The following EIF4G3 variants were observed in gnomAD, a reference collection of about 807,000 sequenced individuals.
The protein encoded by EIF4G3 is eukaryotic translation initiation factor 4 gamma 3, also known as eIF-4-gamma 3.
EIF4G3 carries 34 observed loss-of-function variants against 186.4 expected under a neutral mutation model. The observed-to-expected ratio is 0.18, with a 90% CI of 0.14 to 0.24. The LOEUF (loss-of-function observed/expected upper bound fraction) is 0.24, where lower values mean the gene tolerates loss of function less well. EIF4G3 is among the 10% of genes least tolerant of loss of function. EIF4G3 has a pLI of 1.00. For missense variants in EIF4G3, 1,536 were observed against 1,948.5 expected (o/e 0.79, Z 3.99); for synonymous variants, 673 against 679.5 (o/e 0.99, Z 0.15).
intron 18 of EIF4G3, chr1:20,892,696 T>C (rs2086505833): frequency 3.3e-6 from 5 of 1,536,094 alleles, no homozygotes; most frequent in Non-Finnish European, 3.5e-6. Flanking sequence ...TGTTCCAGAA[T>C]TGGCAATCCA....
rs565327761 is a variant in EIF4G3, at chr1:21,044,719, C to T, written c.-67+6147G>A. Reference sequence around the variant, plus strand: ...CTGGAGTGTAATGGTGTGATCCCAGCTCACTGCAGCCTTAACATCCCAGTC... The same window carrying T: ...CTGGAGTGTAATGGTGTGATCCCAGTTCACTGCAGCCTTAACATCCCAGTC... On this transcript the variant is annotated intron_variant, in intron 4 of 36. Transcript: ENST00000602326. Among the ~76,000 whole-genome samples, 20 of 151,230 alleles carry T rather than the reference C, an allele frequency of 1.3e-4. No individual in the cohort carries two copies. The South Asian group carries it at 2.1e-3, about 16-fold the overall frequency.
chr1:20,986,698 A>C (rs2079560080), intron 7 of EIF4G3, among the ~76,000 whole-genome samples: 1 of 142,422 alleles, frequency 7.0e-6, no homozygotes. Context: ...GCAGTGAGCC[A>C]AGATCATGCC....
At chr1:20,919,343 G>T (rs1032123938) in intron 14 of EIF4G3, among the ~76,000 whole-genome samples, 14 of 152,092 alleles carry the variant, frequency 9.2e-5, no homozygotes, top group African/African-American at 2.7e-4. Context: ...CGTATAGCTG[G>T]AAGTACAGGT....
Position 20,810,159 on chromosome 1 carries a change from A to T in EIF4G3, c.4744+579T>A, listed in dbSNP as rs1407585873. Among the ~76,000 whole-genome samples the T allele has an allele frequency of 3.0e-5, 4 of 134,362 alleles. No individual in the cohort carries two copies. Among genetic ancestry groups the T allele is most frequent in the East Asian group, 2.2e-4 (1 of 4,630 alleles). 88.1% of individuals were successfully genotyped at this position (134,362 alleles called of 152,430 possible). ...ACCTAGCCAATTTTTGTATTTTTGTATTTTTTTTTTTTTTGAGATAGAGTC... is the reference window on the plus strand; with the variant it reads ...ACCTAGCCAATTTTTGTATTTTTGTTTTTTTTTTTTTTTTGAGATAGAGTC... On this transcript the variant is annotated intron_variant, in intron 36 of 36. Coordinates refer to ENST00000602326, the MANE Select transcript of EIF4G3 (RefSeq NM_001391906.1). The surrounding 1 kb of genome is among the most constrained non-coding windows in gnomAD (Gnocchi z 4.1).
chr1:20,820,605 G>A (rs1323259093), intron 33 of EIF4G3, among the ~76,000 whole-genome samples: 1 of 152,140 alleles, frequency 6.6e-6, no homozygotes, highest in Non-Finnish European at 1.5e-5. Context: ...AGTGGAGTAG[G>A]GGCTCATGGT....
chr1:20,948,965 T>G (rs1297158723), intron 13 of EIF4G3, among the ~76,000 whole-genome samples: 1 of 135,876 alleles, frequency 7.4e-6, no homozygotes, highest in Non-Finnish European at 1.5e-5. Context: ...GTCAAGACTC[T>G]GTCTCAAAAA....
intron 3 of EIF4G3, among the ~76,000 whole-genome samples, chr1:21,054,795 A>ATATTGGGATGTTTATATTG (rs748904164): frequency 1.4e-3 from 209 of 152,344 alleles, no homozygotes; most frequent in Non-Finnish European, 2.5e-3. Context: ...AAACATCTTC[A>ATATTGGGATGTTTATATTG]GGATCAGCTA....
intron 4 of EIF4G3, among the ~76,000 whole-genome samples, chr1:21,014,118 G>A (rs759436341): frequency 7.2e-5 from 11 of 152,110 alleles, no homozygotes; most frequent in African/African-American, 1.9e-4. Flanking sequence ...GCAGTGAGCC[G>A]AGATCATGCC....
In EIF4G3 at chr1:20,855,962, CATA is replaced by C. The variant is rs2074786871; in HGVS notation, c.3340-894_3340-892del. Among the ~76,000 whole-genome samples the C allele has an allele frequency of 2.6e-5, 4 of 152,132 alleles. No individual in the cohort carries two copies. The South Asian group carries it at 8.3e-4, about 31-fold the overall frequency. Reference sequence around the variant, plus strand: ...TTTTATAGTATCCAAGCACGGAAAGCATAATATTTAAAAATACAAATGTTGTTA... The same window carrying C: ...TTTTATAGTATCCAAGCACGGAAAGCATATTTAAAAATACAAATGTTGTTA... On this transcript the variant is annotated intron_variant, in intron 25 of 36. Coordinates refer to ENST00000602326, the MANE Select transcript of EIF4G3 (RefSeq NM_001391906.1).
rs115870120 is a variant in EIF4G3, at chr1:20,846,477, T to A, written c.3888+2938A>T. On this transcript the variant is annotated intron_variant, in intron 29 of 36. Coordinates refer to ENST00000602326, the MANE Select transcript of EIF4G3 (RefSeq NM_001391906.1). ...CTTCTTTTTGTCTTTGAGCTTTTAG[T>A]TGAAATGATACTTCCTGTCTTCCCT... Among the ~76,000 whole-genome samples, 1,068 of 152,316 alleles carry A rather than the reference T, an allele frequency of 7.0e-3. 16 individuals are homozygous for A. Among genetic ancestry groups the A allele is most frequent in the African/African-American group, 0.024 (985 of 41,550 alleles).
chr1:20,891,791 A>C (rs77035582), intron 18 of EIF4G3, among the ~76,000 whole-genome samples: 2 of 145,588 alleles, frequency 1.4e-5, no homozygotes, highest in Admixed American at 6.8e-5. Context: ...CTCTGTCTCA[A>C]AAAAAAAAAA....
chr1:20,891,776 C>A (rs1339672916), intron 18 of EIF4G3, among the ~76,000 whole-genome samples: 2 of 148,964 alleles, frequency 1.3e-5, no homozygotes, highest in Non-Finnish European at 3.0e-5. Context: ...GGCGACAGAG[C>A]GACACTCTGT....
At chr1:20,956,983 A>C (rs1486611520) in intron 12 of EIF4G3, among the ~76,000 whole-genome samples, 1 of 152,220 alleles carries the variant, frequency 6.6e-6, no homozygotes, top group Non-Finnish European at 1.5e-5. Context: ...GGGAGTAAAT[A>C]ATAACAGAAC....
At chr1:20,924,219 T>A (rs964518372) in intron 14 of EIF4G3, among the ~76,000 whole-genome samples, 1 of 152,204 alleles carries the variant, frequency 6.6e-6, no homozygotes, top group Admixed American at 6.5e-5. Flanking sequence ...GAGTCTGTTA[T>A]TGAAATTTAA....
At chr1:21,141,377 T>TTGTGTGTG (rs10627733) in intron 2 of EIF4G3, among the ~76,000 whole-genome samples, 29,258 of 145,020 alleles carry the variant, frequency 0.2, 3,091 homozygotes, top group South Asian at 0.35. Context: ...TATTTTTTCT[T>TTGTGTGTG]TGTGTGTGTG....
intron 4 of EIF4G3, among the ~76,000 whole-genome samples, chr1:21,005,637 A>T (rs2084850401): frequency 6.6e-6 from 1 of 152,214 alleles, no homozygotes; most frequent in African/African-American, 2.4e-5. Context: ...AAGGGAACAT[A>T]GAGCCAACTG....
chr1:21,131,581 A>C (rs1327233086), intron 2 of EIF4G3, among the ~76,000 whole-genome samples: 1 of 152,170 alleles, frequency 6.6e-6, no homozygotes, highest in African/African-American at 2.4e-5. Flanking sequence ...TGAAGGCAGC[A>C]AGAAGAAGAA....
At chr1:21,174,553 G>A (rs1010643377) in intron 2 of EIF4G3, among the ~76,000 whole-genome samples, 5 of 152,164 alleles carry the variant, frequency 3.3e-5, no homozygotes, top group African/African-American at 9.7e-5. Context: ...TCCTAACCGA[G>A]TATAGGCAAT....
intron 18 of EIF4G3, among the ~76,000 whole-genome samples, chr1:20,890,060 C>A (rs2154555374): frequency 6.6e-6 from 1 of 150,948 alleles, no homozygotes; most frequent in African/African-American, 2.4e-5. Context: ...ACAGCCTCCG[C>A]CTCCCGGGTT....
Sources: gnomAD v4.1 joint callset for allele counts (sites outside exome capture counted in the v4.1 genomes callset) on GRCh38, gnomAD v4.1.1 for gene constraint, Gnocchi (gnomAD v3.1) non-coding constraint, MANE v1.5 for transcripts, NCBI Gene and HGNC (gene_info 2026-07-23, HGNC 2026-07-21) for gene names.